The following ELAPOR2 variants were observed in gnomAD, a reference collection of about 807,000 sequenced individuals.
ELAPOR2 encodes endosome/lysosome-associated apoptosis and autophagy regulator family member 2.
ELAPOR2 carries 89 observed loss-of-function variants against 120.7 expected under a neutral mutation model. The ratio of observed to expected loss-of-function variants is 0.74; its 90% CI spans 0.62 to 0.88. The LOEUF (loss-of-function observed/expected upper bound fraction) is 0.88. Among genes scored for constraint, ELAPOR2 ranks in the 40% least tolerant of loss-of-function variants. The probability of loss-of-function intolerance (pLI) is 0.00; values close to 1 mark genes in which losing one functional copy is unlikely to be tolerated. For missense variants in ELAPOR2, 1,134 were observed against 1,251.6 expected (o/e 0.91, Z 1.42); for synonymous variants, 444 against 444.9 (o/e 1.00, Z 0.03).
At chr7:86,886,262 C>A (rs1799683684) in intron 21 of ELAPOR2, among the ~76,000 whole-genome samples, 1 of 152,144 alleles carries the variant, frequency 6.6e-6, no homozygotes, top group South Asian at 2.1e-4. Context: ...GCTATTGGGA[C>A]AGTGTTGGAC....
At chr7:86,960,077 G>GA (rs2116458384) in intron 2 of ELAPOR2, among the ~76,000 whole-genome samples, 1 of 152,278 alleles carries the variant, frequency 6.6e-6, no homozygotes, top group South Asian at 2.1e-4. Context: ...TACTTGGAAT[G>GA]ATTTTAATCT....
At chr7:86,960,539 C>T (rs1180967597) in intron 2 of ELAPOR2, among the ~76,000 whole-genome samples, 1 of 152,166 alleles carries the variant, frequency 6.6e-6, no homozygotes, top group Non-Finnish European at 1.5e-5. Context: ...GTGTGAGCCA[C>T]CACACCCAGC....
chr7:86,990,285 T>C (rs976115989), intron 1 of ELAPOR2, among the ~76,000 whole-genome samples: 6 of 152,070 alleles, frequency 3.9e-5, no homozygotes, highest in Non-Finnish European at 7.4e-5. Flanking sequence ...CCCGACCTCA[T>C]GATCTGCCTG....
chr7:87,056,725 C>A (rs1795275294), intron 1 of ELAPOR2, among the ~76,000 whole-genome samples: 1 of 152,126 alleles, frequency 6.6e-6, no homozygotes, highest in Non-Finnish European at 1.5e-5. Flanking sequence ...TTTGAAGGGC[C>A]TTTTTTCTGA....
At chr7:87,047,688 T>C (rs1159859055) in intron 1 of ELAPOR2, among the ~76,000 whole-genome samples, 1 of 152,214 alleles carries the variant, frequency 6.6e-6, no homozygotes, top group Non-Finnish European at 1.5e-5. Context: ...CTGGTGAGAA[T>C]GTAGAGAAAA....
At chr7:86,940,435 G>C (rs903596384) in intron 5 of ELAPOR2, among the ~76,000 whole-genome samples, 1 of 151,914 alleles carries the variant, frequency 6.6e-6, no homozygotes, top group Non-Finnish European at 1.5e-5. Context: ...CATTTTAGAG[G>C]GTGAAAGTCC....
At chr7:86,915,597 G>T (rs1789535559) in intron 12 of ELAPOR2, among the ~76,000 whole-genome samples, 1 of 151,028 alleles carries the variant, frequency 6.6e-6, no homozygotes, top group South Asian at 2.1e-4. Context: ...TATATAAAAA[G>T]AAAACCAAGC....
At chr7:86,955,442 G>T (rs1474166266) in intron 2 of ELAPOR2, among the ~76,000 whole-genome samples, 1 of 151,924 alleles carries the variant, frequency 6.6e-6, no homozygotes, top group East Asian at 1.9e-4. Flanking sequence ...AGGCAACAAT[G>T]AAAGCTGGTT....
intron 2 of ELAPOR2, among the ~76,000 whole-genome samples, chr7:86,948,750 GTTA>G (rs1384382740): frequency 6.6e-6 from 1 of 151,906 alleles, no homozygotes; most frequent in Non-Finnish European, 1.5e-5. Flanking sequence ...AGAAAGCTAA[GTTA>G]TTATTCCTTC....
At chr7:86,935,119 A>C (rs1422377298) in intron 8 of ELAPOR2, among the ~76,000 whole-genome samples, 1 of 152,092 alleles carries the variant, frequency 6.6e-6, no homozygotes, top group East Asian at 1.9e-4. Context: ...ATGAAGTATA[A>C]ATCCAATCAC....
At chr7:86,987,782 A>T (rs7458969) in intron 1 of ELAPOR2, among the ~76,000 whole-genome samples, 57,417 of 151,948 alleles carry the variant, frequency 0.38, 11,695 homozygotes, top group African/African-American at 0.53. Context: ...TGTGGAAGAC[A>T]GTGTGATGAT....
chr7:87,042,546 T>C lies in ELAPOR2; in HGVS notation c.189+16779A>G, dbSNP rs577144722. 8.6e-5 allele frequency among the ~76,000 whole-genome samples: 13 copies of C among 151,816 alleles called. No individual in the cohort carries two copies. In the East Asian group the frequency reaches 2.5e-3, roughly 29 times the overall value. On this transcript the variant is annotated intron_variant, in intron 1 of 21. Transcript: ENST00000450689. ...AACGAAATGAAGGCAGAAATAAAGA[T>C]GTTCTTTGAAACCAACGAGAACAAA...
At chr7:87,053,653 A>G (rs966523213) in intron 1 of ELAPOR2, among the ~76,000 whole-genome samples, 5 of 152,204 alleles carry the variant, frequency 3.3e-5, no homozygotes, top group African/African-American at 1.2e-4. Flanking sequence ...GGGACAGCAT[A>G]TATGTGTCAG....
intron 1 of ELAPOR2, among the ~76,000 whole-genome samples, chr7:87,036,574 C>CAT (rs1258625642): frequency 6.6e-6 from 1 of 152,118 alleles, no homozygotes; most frequent in African/African-American, 2.4e-5. Context: ...AAATGTGGTA[C>CAT]ATATACCCCA....
chr7:86,948,639 T>A (rs1402380620), intron 2 of ELAPOR2, among the ~76,000 whole-genome samples: 1 of 151,988 alleles, frequency 6.6e-6, no homozygotes, highest in Non-Finnish European at 1.5e-5. Context: ...CTCTACCACC[T>A]ATATCTTATT....
intron 4 of ELAPOR2, among the ~76,000 whole-genome samples, chr7:86,944,672 A>T (rs563330760): frequency 2.6e-5 from 4 of 152,104 alleles, no homozygotes; most frequent in Admixed American, 2.6e-4. Flanking sequence ...ACCAAGCCCA[A>T]TGTTATGCTG....
At chr7:86,960,899 T>C (rs1033825602) in intron 2 of ELAPOR2, among the ~76,000 whole-genome samples, 1 of 151,966 alleles carries the variant, frequency 6.6e-6, no homozygotes, top group African/African-American at 2.4e-5. Flanking sequence ...CTGTATTTGA[T>C]TTTTTTTACT....
At chr7:86,901,249 T>C (rs1484148574) in intron 18 of ELAPOR2, among the ~76,000 whole-genome samples, 1 of 152,226 alleles carries the variant, frequency 6.6e-6, no homozygotes, top group Non-Finnish European at 1.5e-5. Context: ...CTTCCCAGTT[T>C]CCTTATTTTA....
chr7:87,039,145 A>G (rs1433543937), intron 1 of ELAPOR2, among the ~76,000 whole-genome samples: 1 of 152,198 alleles, frequency 6.6e-6, no homozygotes, highest in Non-Finnish European at 1.5e-5. Context: ...CTATACGCCA[A>G]CCAACTGGAA....
Sources: allele counts gnomAD v4.1 joint callset (sites outside exome capture counted in the v4.1 genomes callset), GRCh38; gene constraint gnomAD v4.1.1; transcripts MANE v1.5; gene names NCBI Gene and HGNC (gene_info 2026-07-23, HGNC 2026-07-21).